ARHGEF12: variants seen among roughly 807,000 people sequenced by gnomAD.
ARHGEF12 encodes the protein KMT2A/ARHGEF12 fusion protein.
ARHGEF12 carries 66 observed loss-of-function variants against 211.2 expected under a neutral mutation model. The observed-to-expected ratio is 0.31, with a 90% confidence interval of 0.26 to 0.38. The LOEUF (loss-of-function observed/expected upper bound fraction) is 0.38, where lower values mean the gene tolerates loss of function less well. Among genes scored for constraint, ARHGEF12 ranks in the 10% least tolerant of loss-of-function variants. The pLI is 1.00. For missense variants in ARHGEF12, 1,429 were observed against 1,869.5 expected (o/e 0.76, Z 4.34); for synonymous variants, 592 against 638.4 (o/e 0.93, Z 1.09).
rs978866418 is a variant in ARHGEF12 at position 120,360,921 on chromosome 11, G to A, written c.32+23646G>A. ...TGAGAATACTATTTTTGGTCAGTTAGCAATAAAAGGGCCTTTGCTTGAATA... is the reference window on the plus strand; with the variant it reads ...TGAGAATACTATTTTTGGTCAGTTAACAATAAAAGGGCCTTTGCTTGAATA... On this transcript the variant is annotated intron_variant, in intron 1 of 40. Transcript: ENST00000397843. Among the ~76,000 whole-genome samples the A allele has an allele frequency of 9.9e-5, 15 of 152,126 alleles. 1 individual carries two copies. Among genetic ancestry groups the A allele is most frequent in the Admixed American group, 9.8e-4 (15 of 15,272 alleles).
At chr11:120,351,408 AATATATATATATATATATAT>A (rs775962877) in intron 1 of ARHGEF12, among the ~76,000 whole-genome samples, 4 of 70,458 alleles carry the variant, frequency 5.7e-5, no homozygotes, top group Non-Finnish European at 8.2e-5. Context: ...GTAGGAAAGG[AATATATATATATATATATAT>A]ATATATATAT....
chr11:120,404,591 AAG>A (rs1944640506), intron 1 of ARHGEF12, among the ~76,000 whole-genome samples: 1 of 152,092 alleles, frequency 6.6e-6, no homozygotes, highest in African/African-American at 2.4e-5. Context: ...ATTACCTTGT[AAG>A]AGAAAATAGC....
chr11:120,386,100 T>G (rs1033367538), intron 1 of ARHGEF12, among the ~76,000 whole-genome samples: 1 of 152,168 alleles, frequency 6.6e-6, no homozygotes, highest in Admixed American at 6.5e-5. Flanking sequence ...TATTTTATCC[T>G]TTGTTCAGTT....
chr11:120,436,727 G>T (rs537630474), intron 11 of ARHGEF12, among the ~76,000 whole-genome samples: 6 of 152,284 alleles, frequency 3.9e-5, no homozygotes, highest in Admixed American at 6.5e-5. Context: ...ATCTAGAGAT[G>T]ATTTAAAATA....
chr11:120,418,486 C>T (rs1362360715), intron 4 of ARHGEF12, among the ~76,000 whole-genome samples: 2 of 152,148 alleles, frequency 1.3e-5, no homozygotes, highest in African/African-American at 2.4e-5. Context: ...TAGTTTTGGG[C>T]TCTTATGAAT....
intron 17 of ARHGEF12, 101 bp from the exon 18 acceptor site, chr11:120,446,847 C>G: frequency 1.4e-6 from 2 of 1,416,192 alleles, no homozygotes; most frequent in Non-Finnish European, 1.9e-6. Flanking sequence ...GACATTTTTC[C>G]TGTTCCTAGA....
intron 7 of ARHGEF12, among the ~76,000 whole-genome samples, chr11:120,427,282 T>C (rs1945374430): frequency 6.6e-6 from 1 of 152,200 alleles, no homozygotes; most frequent in African/African-American, 2.4e-5. Context: ...TACTTATTAT[T>C]GATTGTGTTT....
chr11:120,469,791 C>G (rs1203215276), intron 30 of ARHGEF12, among the ~76,000 whole-genome samples: 2 of 152,144 alleles, frequency 1.3e-5, no homozygotes, highest in East Asian at 3.9e-4. Context: ...TAGCTACTAT[C>G]AAGGATAATT....
intron 1 of ARHGEF12, among the ~76,000 whole-genome samples, chr11:120,366,336 T>G (rs1943419715): frequency 6.6e-6 from 1 of 152,186 alleles, no homozygotes; most frequent in Non-Finnish European, 1.5e-5. Context: ...TTATTATTAT[T>G]TAGTAGAGAC....
At chr11:120,448,655 T>C (rs944657761) in intron 20 of ARHGEF12, 3 of 356,908 alleles carry the variant, frequency 8.4e-6, no homozygotes, top group Admixed American at 4.5e-5. Flanking sequence ...TGTTGCTACA[T>C]AATCGTCATG....
intron 30 of ARHGEF12, among the ~76,000 whole-genome samples, chr11:120,470,109 G>A (rs1205957392): frequency 6.6e-6 from 1 of 152,212 alleles, no homozygotes; most frequent in Non-Finnish European, 1.5e-5. Context: ...AACTCATAAA[G>A]GCCCTAGAGA....
At position 120,442,358 on chromosome 11, in the gene ARHGEF12, T is replaced by C. The variant is rs74236021; in HGVS notation, c.1302+156T>C. Among the ~76,000 whole-genome samples the C allele has an allele frequency of 2.6e-4, 39 of 150,592 alleles. No individual in the cohort carries two copies. In the East Asian group the frequency reaches 8.0e-3, roughly 31 times the overall value. On this transcript the variant is annotated intron_variant, in intron 15 of 40. Coordinates refer to ENST00000397843, the MANE Select transcript of ARHGEF12 (RefSeq NM_015313.3). The stretch of plus-strand genomic sequence containing the variant: ...TGATTACTCTAGACTTTTTTTTTTT[T>C]ATCATTTCTAAAGTAGTTTAGGCAT...
intron 4 of ARHGEF12, among the ~76,000 whole-genome samples, chr11:120,413,436 T>G (rs73582257): frequency 0.015 from 2,266 of 152,316 alleles, 56 homozygotes; most frequent in African/African-American, 0.051. Context: ...GAGTTTTGAA[T>G]GAATGATTGT....
At chr11:120,422,480 G>A (rs1315964774) in intron 6 of ARHGEF12, among the ~76,000 whole-genome samples, 2 of 152,124 alleles carry the variant, frequency 1.3e-5, no homozygotes, top group Admixed American at 6.5e-5. Flanking sequence ...AAAAAACTTG[G>A]TTCCATGCAC....
chr11:120,472,631 A>G (rs1366772129), intron 30 of ARHGEF12, among the ~76,000 whole-genome samples: 2 of 152,076 alleles, frequency 1.3e-5, no homozygotes, highest in Admixed American at 1.3e-4. Context: ...AGTCCTGTCT[A>G]GCATTGCAAA....
In ARHGEF12 at chr11:120,447,806, ACT is replaced by A. The variant is rs1238662091; in HGVS notation, c.1590-65_1590-64del. 3.3e-5 allele frequency: 38 copies of A among 1,152,060 alleles called. No homozygotes were observed. The East Asian group carries it at 9.3e-4, about 28-fold the overall frequency. The allele number at this position is 1,152,060 out of a possible 1,614,324, so 71.4% of individuals were successfully genotyped here. A position where few individuals can be genotyped will look rare whatever the true frequency, so the allele number is the denominator to read the frequency against. ...ACTCCAGCCTGGGTGGCAGAGTGAG[ACT>A]CTGTCTCAAAAAAATTAATTAAACT... On this transcript the variant is annotated intron_variant, in intron 18 of 40. Coordinates refer to ENST00000397843, the MANE Select transcript of ARHGEF12 (RefSeq NM_015313.3).
chr11:120,349,860 C>T (rs1279381811), intron 1 of ARHGEF12, among the ~76,000 whole-genome samples: 1 of 152,106 alleles, frequency 6.6e-6, no homozygotes, highest in Non-Finnish European at 1.5e-5. Flanking sequence ...GTTTTTTTCC[C>T]TTGCTGTGAT....
At chr11:120,368,424 T>C (rs1943492093) in intron 1 of ARHGEF12, among the ~76,000 whole-genome samples, 1 of 152,210 alleles carries the variant, frequency 6.6e-6, no homozygotes, top group African/African-American at 2.4e-5. Flanking sequence ...ATTACAGACG[T>C]GAGCCACCAT....
At chr11:120,361,913 CA>C (rs1470254606) in intron 1 of ARHGEF12, among the ~76,000 whole-genome samples, 1 of 152,216 alleles carries the variant, frequency 6.6e-6, no homozygotes, top group Non-Finnish European at 1.5e-5. Context: ...ATTTTTCCTG[CA>C]GCTCAAAAGG....
Sources: allele counts gnomAD v4.1 joint callset (sites outside exome capture counted in the v4.1 genomes callset), GRCh38; gene constraint gnomAD v4.1.1; transcripts MANE v1.5; gene names NCBI Gene and HGNC (gene_info 2026-07-23, HGNC 2026-07-21).